Variants in STX18 observed in about 807,000 individuals in gnomAD.
STX18 encodes syntaxin-18.
A neutral mutation model predicts 50.1 loss-of-function variants in STX18; 40 were observed. The ratio of observed to expected loss-of-function variants is 0.80; its 90% CI spans 0.62 to 1.04. The LOEUF is 1.04. STX18 is among the 50% of genes least tolerant of loss of function. STX18 has a pLI of 0.00. For synonymous variants in STX18, 158 were observed against 151.8 expected (o/e 1.04, Z -0.30); for missense variants, 410 against 415.8 (o/e 0.99, Z 0.12).
Position 4,419,490 on chromosome 4 carries a change from ATATT to A in STX18, c.*540_*543del, listed in dbSNP as rs1724805852. On this transcript the variant is annotated 3_prime_UTR_variant, in exon 11 of 11. Coordinates refer to ENST00000306200, the MANE Select transcript of STX18 (RefSeq NM_016930.4). ...GACAACACATTAAGGGGCTGTAATT[ATATT>A]TATTAGATTAACAAGGCAGATGTGA... The A allele has an allele frequency of 6.6e-6, 1 of 152,604 alleles. No individual in the cohort carries two copies. The highest frequency in any genetic ancestry group is 2.4e-5 in the African/African-American group (1 of 41,466). The allele number at this position is 152,604 out of a possible 1,614,324, so 9.5% of individuals were successfully genotyped here.
chr4:4,530,896 C>T (rs1731061038), intron 1 of STX18, among the ~76,000 whole-genome samples: 1 of 152,196 alleles, frequency 6.6e-6, no homozygotes, highest in Non-Finnish European at 1.5e-5. Flanking sequence ...CATGAGCCAC[C>T]ATACCCGGTC....
intron 1 of STX18, among the ~76,000 whole-genome samples, chr4:4,536,933 C>T (rs562754667): frequency 1.3e-5 from 2 of 152,158 alleles, no homozygotes; most frequent in Admixed American, 6.5e-5. Flanking sequence ...GTTATCTAAT[C>T]GAAGCTTTCA....
rs941221006 is a variant in STX18, at chr4:4,512,652, G to C, written c.168+29145C>G. On this transcript the variant is annotated intron_variant, in intron 1 of 10. Coordinates refer to ENST00000306200, the MANE Select transcript of STX18 (RefSeq NM_016930.4). ...GAACTAGATTTGCTTTTCTGCATTT[G>C]AGGCACGTTTGTGAGTTAGGTACTC... is the stretch of plus-strand genomic sequence containing the variant. 2.3e-4 allele frequency among the ~76,000 whole-genome samples: 35 copies of C among 152,292 alleles called. 1 individual carries two copies. The highest frequency in any genetic ancestry group is 8.2e-4 in the African/African-American group (34 of 41,562).
chr4:4,503,695 C>T (rs1050119769), intron 1 of STX18, among the ~76,000 whole-genome samples: 2 of 151,584 alleles, frequency 1.3e-5, no homozygotes, highest in African/African-American at 2.4e-5. Context: ...AAGCATAAAC[C>T]GGGATAGGAT....
At chr4:4,479,234 C>A (rs1728343852) in intron 1 of STX18, among the ~76,000 whole-genome samples, 1 of 152,138 alleles carries the variant, frequency 6.6e-6, no homozygotes, top group South Asian at 2.1e-4. Flanking sequence ...ATCATTATTA[C>A]CCTTTTGCAG....
At chr4:4,434,663 C>T (rs1350349341) in intron 7 of STX18, 107 bp downstream of exon 7, 12 of 819,068 alleles carry the variant, frequency 1.5e-5, no homozygotes, top group East Asian at 6.0e-5. Flanking sequence ...ATTTTTAAAA[C>T]TCAGTATAAA....
chr4:4,475,896 C>T (rs958217931), intron 1 of STX18, among the ~76,000 whole-genome samples: 4 of 152,240 alleles, frequency 2.6e-5, no homozygotes, highest in Non-Finnish European at 5.9e-5. Context: ...GCTGGGACTA[C>T]AGGCATAAGC....
intron 3 of STX18, among the ~76,000 whole-genome samples, chr4:4,459,170 T>C (rs1347831447): frequency 6.6e-6 from 1 of 152,084 alleles, no homozygotes; most frequent in South Asian, 2.1e-4. Context: ...CCTCCTCTCA[T>C]TGGTTTAACT....
At chr4:4,421,624 G>C (rs1015989294) in intron 9 of STX18, among the ~76,000 whole-genome samples, 5 of 152,130 alleles carry the variant, frequency 3.3e-5, no homozygotes, top group African/African-American at 4.8e-5. Context: ...CGCCGGTGAC[G>C]GACAAAAACC....
intron 4 of STX18, 36 bp downstream of exon 4, chr4:4,457,387 A>C: frequency 6.3e-7 from 1 of 1,588,618 alleles, no homozygotes; most frequent in Non-Finnish European, 8.6e-7. Context: ...TCTATTGTGA[A>C]ATGTTACATT....
chr4:4,507,815 T>TAAAAAAAAA (rs879049430), intron 1 of STX18: 6 of 219,350 alleles, frequency 2.7e-5, no homozygotes, highest in East Asian at 1.5e-4. Flanking sequence ...ATATTCACAG[T>TAAAAAAAAA]AAAAAAAAAA....
At chr4:4,438,594 G>T in intron 5 of STX18, 85 bp from the exon 6 acceptor site, 21 of 1,119,070 alleles carry the variant, frequency 1.9e-5, no homozygotes, top group Non-Finnish European at 2.7e-5. Flanking sequence ...ATGTGACCCT[G>T]CGCTTTTGCT....
chr4:4,541,706 G>A (rs1731605726), intron 1 of STX18, 91 bp downstream of exon 1: 7 of 1,449,796 alleles, frequency 4.8e-6, no homozygotes, highest in Non-Finnish European at 6.5e-6. Context: ...TTCACACAAT[G>A]CTTACGGGAC....
chr4:4,530,743 T>C (rs1401163940), intron 1 of STX18, among the ~76,000 whole-genome samples: 1 of 152,146 alleles, frequency 6.6e-6, no homozygotes, highest in African/African-American at 2.4e-5. Flanking sequence ...GTAGCTGAGA[T>C]TACAGGTGTG....
intron 1 of STX18, among the ~76,000 whole-genome samples, chr4:4,529,325 G>A (rs1463017338): frequency 6.6e-6 from 1 of 152,194 alleles, no homozygotes; most frequent in Non-Finnish European, 1.5e-5. Context: ...TCGCGCCACT[G>A]CACTCCAGCC....
At chr4:4,538,237 T>G (rs1430036966) in intron 1 of STX18, among the ~76,000 whole-genome samples, 4 of 152,188 alleles carry the variant, frequency 2.6e-5, no homozygotes, top group Non-Finnish European at 4.4e-5. Context: ...GGTACAATGT[T>G]GCAAAGGATT....
intron 5 of STX18, among the ~76,000 whole-genome samples, chr4:4,455,765 T>C (rs1012079946): frequency 1.3e-5 from 2 of 152,230 alleles, no homozygotes; most frequent in African/African-American, 4.8e-5. Flanking sequence ...CGTGTTGTCA[T>C]AGGTCACATG....
At chr4:4,475,488 C>T (rs551304960) in intron 1 of STX18, among the ~76,000 whole-genome samples, 2 of 149,804 alleles carry the variant, frequency 1.3e-5, no homozygotes, top group East Asian at 2.0e-4. Context: ...AAAAACATGA[C>T]AAATCAACAA....
intron 1 of STX18, among the ~76,000 whole-genome samples, chr4:4,517,813 G>T (rs1295996825): frequency 7.0e-6 from 1 of 143,762 alleles, no homozygotes; most frequent in African/African-American, 2.6e-5. Context: ...GTCTCGCTCT[G>T]TTGCCCAGGC....
Sources: gnomAD v4.1 joint callset for allele counts (sites outside exome capture counted in the v4.1 genomes callset) on GRCh38, gnomAD v4.1.1 for gene constraint, MANE v1.5 for transcripts, NCBI Gene and HGNC (gene_info 2026-07-23, HGNC 2026-07-21) for gene names.